The following STXBP5L variants were observed in gnomAD, a reference collection of about 807,000 sequenced individuals.
STXBP5L encodes the protein syntaxin-binding protein 5-like.
A neutral mutation model predicts 144.5 loss-of-function variants in STXBP5L; 65 were observed. The ratio of observed to expected loss-of-function variants is 0.45; its 90% CI spans 0.37 to 0.55. STXBP5L has a LOEUF of 0.55. Among genes scored for constraint, STXBP5L ranks in the 20% least tolerant of loss-of-function variants. STXBP5L has a pLI of 0.00. For synonymous variants in STXBP5L, 505 were observed against 469.6 expected, an observed-to-expected ratio of 1.08 and a Z score of -0.97; for missense variants, 1,298 against 1,405.5, an observed-to-expected ratio of 0.92 and a Z score of 1.22.
At chr3:121,279,615 T>C (rs1179026785) in intron 18 of STXBP5L, among the ~76,000 whole-genome samples, 190 bp from the exon 19 acceptor site, 1 of 151,842 alleles carries the variant, frequency 6.6e-6, no homozygotes, top group Non-Finnish European at 1.5e-5. Flanking sequence ...TTGTGGTAAA[T>C]TGTATGCCTA....
chr3:121,272,565 C>T (rs1302702502), intron 18 of STXBP5L, among the ~76,000 whole-genome samples: 1 of 152,076 alleles, frequency 6.6e-6, no homozygotes, highest in Non-Finnish European at 1.5e-5. Flanking sequence ...ATTTTTGATC[C>T]ATTCAGCCAC....
intron 3 of STXBP5L, among the ~76,000 whole-genome samples, chr3:120,993,093 G>A (rs1943058218): frequency 6.6e-6 from 1 of 152,032 alleles, no homozygotes; most frequent in Non-Finnish European, 1.5e-5. Context: ...CCATTTGTAT[G>A]TCTTCTTTTG....
intron 24 of STXBP5L, among the ~76,000 whole-genome samples, chr3:121,413,939 C>G (rs73191766): frequency 0.036 from 5,430 of 152,214 alleles, 144 homozygotes; most frequent in Middle Eastern, 0.082. Context: ...AGCATAAGCT[C>G]TGAACTATTC....
At chr3:121,030,304 A>G (rs1576712805) in intron 3 of STXBP5L, among the ~76,000 whole-genome samples, 1 of 152,204 alleles carries the variant, frequency 6.6e-6, no homozygotes, top group East Asian at 1.9e-4. Context: ...ATAGGAGTGG[A>G]TAAAGAAGAT....
At chr3:121,297,716 T>C (rs1298085705) in intron 19 of STXBP5L, among the ~76,000 whole-genome samples, 1 of 152,208 alleles carries the variant, frequency 6.6e-6, no homozygotes, top group African/African-American at 2.4e-5. Flanking sequence ...ATCGCGCCAC[T>C]GCACTACAGC....
intron 9 of STXBP5L, among the ~76,000 whole-genome samples, chr3:121,171,326 T>G (rs1291297775): frequency 6.6e-6 from 1 of 152,182 alleles, no homozygotes; most frequent in Non-Finnish European, 1.5e-5. Context: ...TCACCACTGC[T>G]ATTCAACATA....
chr3:120,928,079 A>G (rs1364477654), intron 2 of STXBP5L, among the ~76,000 whole-genome samples: 4 of 152,182 alleles, frequency 2.6e-5, no homozygotes, highest in Non-Finnish European at 4.4e-5. Flanking sequence ...ATGTGAGGTA[A>G]AATTTACACA....
chr3:121,171,367 C>T (rs553728679), intron 9 of STXBP5L, among the ~76,000 whole-genome samples: 1 of 152,136 alleles, frequency 6.6e-6, no homozygotes, highest in Non-Finnish European at 1.5e-5. Context: ...GGCAATCAGG[C>T]AAGAGAAAGA....
intron 22 of STXBP5L, among the ~76,000 whole-genome samples, chr3:121,387,365 C>T (rs1260603379): frequency 2.0e-5 from 3 of 152,166 alleles, no homozygotes; most frequent in Non-Finnish European, 4.4e-5. Context: ...TGCCTGTTCA[C>T]TCTGATGGCA....
At chr3:121,155,006 G>A (rs1028278907) in intron 8 of STXBP5L, among the ~76,000 whole-genome samples, 3 of 151,680 alleles carry the variant, frequency 2.0e-5, no homozygotes, top group Non-Finnish European at 4.4e-5. Flanking sequence ...CTTTTGCCTG[G>A]ATGACTATAA....
At chr3:121,186,734 C>T (rs773400718) in intron 9 of STXBP5L, among the ~76,000 whole-genome samples, 2 of 151,978 alleles carry the variant, frequency 1.3e-5, no homozygotes, top group Non-Finnish European at 2.9e-5. Context: ...ACAAACAACC[C>T]CATCAACAAG....
chr3:120,993,948 C>T (rs1300114577), intron 3 of STXBP5L, among the ~76,000 whole-genome samples: 1 of 151,860 alleles, frequency 6.6e-6, no homozygotes, highest in Non-Finnish European at 1.5e-5. Flanking sequence ...ATGTTTCCAT[C>T]TGTTTGTGTC....
At chr3:121,394,500 G>A (rs1289219749) in intron 22 of STXBP5L, among the ~76,000 whole-genome samples, 3 of 150,722 alleles carry the variant, frequency 2.0e-5, no homozygotes, top group Admixed American at 2.0e-4. Flanking sequence ...TAGAGGGAAT[G>A]CTTTCAACAT....
intron 3 of STXBP5L, among the ~76,000 whole-genome samples, chr3:121,018,615 C>G (rs143711830): frequency 1.3e-5 from 2 of 148,356 alleles, no homozygotes; most frequent in Non-Finnish European, 3.0e-5. Flanking sequence ...ATGTAAAACA[C>G]AAAATTATAA....
At chr3:120,964,815 C>G (rs1283154141) in intron 3 of STXBP5L, among the ~76,000 whole-genome samples, 2 of 152,166 alleles carry the variant, frequency 1.3e-5, no homozygotes, top group Non-Finnish European at 2.9e-5. Context: ...AGTTCAGGTC[C>G]TGGACATCCT....
At chr3:121,329,820 A>T (rs2044266520) in intron 20 of STXBP5L, among the ~76,000 whole-genome samples, 1 of 152,118 alleles carries the variant, frequency 6.6e-6, no homozygotes, top group Non-Finnish European at 1.5e-5. Context: ...ATATTGCACC[A>T]CTGCACTCCA....
At position 121,413,539 on chromosome 3, in the gene STXBP5L, C is replaced by T. The variant is rs935387688; in HGVS notation, c.3114+216C>T. Among the ~76,000 whole-genome samples, 8 of 152,206 alleles carry T rather than the reference C, an allele frequency of 5.3e-5. No homozygotes were observed. The South Asian group carries it at 1.0e-3, about 20-fold the overall frequency. On this transcript the variant is annotated intron_variant, in intron 24 of 26. Coordinates refer to ENST00000471454, the MANE Select transcript of STXBP5L (RefSeq NM_001308330.2). ...AGAAAGAGGGAGACAATGGAAAGAT[C>T]ATTCATATTAATAGCTAATCTTTTT...
chr3:121,260,325 A>G (rs189642108), intron 18 of STXBP5L, among the ~76,000 whole-genome samples: 8 of 152,170 alleles, frequency 5.3e-5, no homozygotes, highest in Admixed American at 3.3e-4. Context: ...AGCTTTCTCT[A>G]TAGTGTAATT....
chr3:120,997,056 T>C (rs1015376058), intron 3 of STXBP5L, among the ~76,000 whole-genome samples: 1 of 152,208 alleles, frequency 6.6e-6, no homozygotes, highest in African/African-American at 2.4e-5. Context: ...GTATTGGTTT[T>C]CTGTTCCTGT....
Sources: gnomAD v4.1 joint callset for allele counts (sites outside exome capture counted in the v4.1 genomes callset) on GRCh38, gnomAD v4.1.1 for gene constraint, MANE v1.5 for transcripts, NCBI Gene and HGNC (gene_info 2026-07-23, HGNC 2026-07-21) for gene names.